The following PLXDC2 variants were observed in gnomAD, a reference collection of about 807,000 sequenced individuals.
The protein encoded by PLXDC2 is plexin domain containing 2.
In PLXDC2, 40 loss-of-function variants were observed where a neutral mutation model predicts 68.9. That is an observed-to-expected ratio of 0.58 (90% CI 0.45 to 0.76). The LOEUF is 0.76. Ranked by LOEUF, PLXDC2 falls within the 30% of genes least tolerant of loss-of-function variation. The probability of loss-of-function intolerance (pLI) is 0.00; values close to 1 mark genes in which losing one functional copy is unlikely to be tolerated. For synonymous variants in PLXDC2, 243 were observed against 234.2 expected (o/e 1.04, Z -0.34); for missense variants, 644 against 661.9 (o/e 0.97, Z 0.30).
At chr10:20,222,219 G>C (rs925075637) in intron 12 of PLXDC2, among the ~76,000 whole-genome samples, 1 of 152,172 alleles carries the variant, frequency 6.6e-6, no homozygotes, top group Non-Finnish European at 1.5e-5. Flanking sequence ...CTTTCTCTCT[G>C]AGTGTTTCTG....
chr10:20,042,018 A>G (rs1835692254), intron 2 of PLXDC2, among the ~76,000 whole-genome samples: 1 of 152,166 alleles, frequency 6.6e-6, no homozygotes, highest in Non-Finnish European at 1.5e-5. Context: ...TCCATTTACG[A>G]ATTTTAGCAA....
At position 20,046,419 on chromosome 10, in the gene PLXDC2, C is replaced by T. The variant is rs1307744251; in HGVS notation, c.325-450C>T. On this transcript the variant is annotated intron_variant, in intron 2 of 13. Coordinates refer to ENST00000377252, the MANE Select transcript of PLXDC2 (RefSeq NM_032812.9). ...ATTTAATCATTATTCTCCACGTTTA[C>T]ATTTGGATCATAGTATTTCTTTTAG... Among the ~76,000 whole-genome samples, 3 of 152,048 alleles carry T rather than the reference C, an allele frequency of 2.0e-5. No individual in the cohort carries two copies. In the East Asian group the frequency reaches 5.8e-4, roughly 29 times the overall value.
chr10:19,877,722 C>A (rs1175053067), intron 1 of PLXDC2, among the ~76,000 whole-genome samples: 1 of 152,228 alleles, frequency 6.6e-6, no homozygotes. Flanking sequence ...CGCCTGCCTG[C>A]CTCTGGAGAG....
intron 4 of PLXDC2, among the ~76,000 whole-genome samples, chr10:20,074,305 TTAAG>T (rs1205685604): frequency 6.6e-6 from 1 of 152,162 alleles, no homozygotes; most frequent in Non-Finnish European, 1.5e-5. Flanking sequence ...AAAATGTTTA[TTAAG>T]TAATACCTGT....
chr10:19,999,053 G>A (rs1463435935), intron 1 of PLXDC2, among the ~76,000 whole-genome samples: 1 of 152,080 alleles, frequency 6.6e-6, no homozygotes, highest in Non-Finnish European at 1.5e-5. Context: ...CTTTTCATTT[G>A]TTCTCTAGAG....
intron 13 of PLXDC2, among the ~76,000 whole-genome samples, chr10:20,269,101 T>TA (rs1588553536): frequency 6.6e-6 from 1 of 152,190 alleles, no homozygotes; most frequent in African/African-American, 2.4e-5. Flanking sequence ...TAGAGTCTCT[T>TA]ACATTTACAG....
At chr10:19,896,613 T>C (rs1838062595) in intron 1 of PLXDC2, among the ~76,000 whole-genome samples, 1 of 152,210 alleles carries the variant, frequency 6.6e-6, no homozygotes, top group Non-Finnish European at 1.5e-5. Flanking sequence ...ATTTCTACCT[T>C]TGATTTTTTT....
At chr10:19,880,323 GATAGAACCAA>G (rs1276863234) in intron 1 of PLXDC2, among the ~76,000 whole-genome samples, 3 of 152,196 alleles carry the variant, frequency 2.0e-5, no homozygotes, top group African/African-American at 7.2e-5. Flanking sequence ...TGAAAGCTCA[GATAGAACCAA>G]ATCCTATATG....
At chr10:19,920,288 C>A (rs1248836588) in intron 1 of PLXDC2, among the ~76,000 whole-genome samples, 2 of 152,150 alleles carry the variant, frequency 1.3e-5, no homozygotes, top group African/African-American at 4.8e-5. Context: ...GGGCTCCACC[C>A]CCACAGACCT....
intron 9 of PLXDC2, among the ~76,000 whole-genome samples, chr10:20,196,631 C>A (rs1233804333): frequency 6.6e-6 from 1 of 152,084 alleles, no homozygotes; most frequent in African/African-American, 2.4e-5. Flanking sequence ...GATACCAGCC[C>A]CAGTTTTATG....
chr10:20,184,309 G>T (rs188980895), intron 9 of PLXDC2, among the ~76,000 whole-genome samples: 3 of 149,356 alleles, frequency 2.0e-5, no homozygotes, highest in Non-Finnish European at 4.5e-5. Flanking sequence ...AAAAGTAGGC[G>T]CCAGTGTTAT....
intron 3 of PLXDC2, among the ~76,000 whole-genome samples, chr10:20,057,240 G>A (rs1330985745): frequency 6.6e-6 from 1 of 151,814 alleles, no homozygotes; most frequent in Non-Finnish European, 1.5e-5. Context: ...ACTGTAAATG[G>A]AATATAATTT....
intron 13 of PLXDC2, among the ~76,000 whole-genome samples, chr10:20,259,739 G>A (rs1835786081): frequency 6.6e-6 from 1 of 152,206 alleles, no homozygotes; most frequent in Non-Finnish European, 1.5e-5. Context: ...AGTGAGAGGG[G>A]CAAGTGCCCA....
At chr10:20,025,981 G>A (rs1344288257) in intron 2 of PLXDC2, among the ~76,000 whole-genome samples, 1 of 151,994 alleles carries the variant, frequency 6.6e-6, no homozygotes, top group African/African-American at 2.4e-5. Flanking sequence ...GATAAACTCA[G>A]GCAGAGGAAA....
intron 4 of PLXDC2, among the ~76,000 whole-genome samples, chr10:20,097,092 C>T (rs888936985): frequency 1.3e-5 from 2 of 152,126 alleles, no homozygotes; most frequent in Non-Finnish European, 2.9e-5. Flanking sequence ...GCCCACTGAG[C>T]GAGATCAGTG....
intron 1 of PLXDC2, among the ~76,000 whole-genome samples, chr10:19,991,355 T>TA (rs1834748498): frequency 6.6e-6 from 1 of 151,168 alleles, no homozygotes. Flanking sequence ...CCCTTTTTTT[T>TA]TTTTTTTTGG....
chr10:19,848,191 A>T lies in PLXDC2; in HGVS notation c.112+31000A>T, dbSNP rs565981737. ...TTGTGTTCCCTGGCTTTTTCAGTGC[A>T]AGCCATTTCACCTAGAAGATGGCCG... On this transcript the variant is annotated intron_variant, in intron 1 of 13. Coordinates refer to ENST00000377252, the MANE Select transcript of PLXDC2 (RefSeq NM_032812.9). Among the ~76,000 whole-genome samples the T allele has an allele frequency of 7.9e-5, 12 of 152,282 alleles. No homozygotes were observed. The South Asian group carries it at 2.3e-3, about 29-fold the overall frequency.
At chr10:20,165,695 T>C in intron 7 of PLXDC2, among the ~76,000 whole-genome samples, 1 of 152,192 alleles carries the variant, frequency 6.6e-6, no homozygotes, top group Non-Finnish European at 1.5e-5. Context: ...CGGGGGCAGC[T>C]CTACCTACCA....
intron 3 of PLXDC2, among the ~76,000 whole-genome samples, chr10:20,059,745 C>T (rs1484178873): frequency 6.6e-6 from 1 of 151,978 alleles, no homozygotes; most frequent in African/African-American, 2.4e-5. Context: ...TGTCTGTCAA[C>T]TCCTCCCAGA....
Sources: gnomAD v4.1 joint callset for allele counts (sites outside exome capture counted in the v4.1 genomes callset) on GRCh38, gnomAD v4.1.1 for gene constraint, MANE v1.5 for transcripts, NCBI Gene and HGNC (gene_info 2026-07-23, HGNC 2026-07-21) for gene names.